Variants in ANKRD28 observed in about 807,000 individuals in gnomAD.
ANKRD28 encodes the protein serine/threonine-protein phosphatase 6 regulatory ankyrin repeat subunit A.
Under a neutral mutation model 126.5 loss-of-function variants are expected in ANKRD28, and 44 were observed. The observed-to-expected ratio is 0.35, with a 90% CI of 0.27 to 0.45. ANKRD28 has a LOEUF of 0.45. Ranked by LOEUF, ANKRD28 falls within the 20% of genes least tolerant of loss-of-function variation. ANKRD28 has a pLI of 1.00. For synonymous variants in ANKRD28, 442 were observed against 468.5 expected (o/e 0.94, Z 0.73); for missense variants, 1,110 against 1,316.6 (o/e 0.84, Z 2.43).
intron 14 of ANKRD28, 104 bp downstream of exon 14, chr3:15,707,819 CA>C: frequency 7.3e-7 from 1 of 1,374,364 alleles, no homozygotes; most frequent in African/African-American, 1.4e-5. Flanking sequence ...AGATAATCAA[CA>C]AAAAATACAA....
intron 14 of ANKRD28, among the ~76,000 whole-genome samples, chr3:15,700,907 A>T (rs1315447197): frequency 2.0e-5 from 3 of 152,212 alleles, no homozygotes; most frequent in Non-Finnish European, 4.4e-5. Flanking sequence ...TATTCATTTG[A>T]TACATGGAGA....
chr3:15,812,503 T>C lies in ANKRD28; in HGVS notation c.28-17197A>G, dbSNP rs1313051841. On this transcript the variant is annotated intron_variant, in intron 1 of 27. Transcript: ENST00000399451. This position sits in a 1 kb window ranked among gnomAD's most constrained non-coding sequence, Gnocchi z 4.1. ...AACACACATTCCAGGAAAGAAAAGG[T>C]AAACTGGCTATATAATACTGAGGGT... Among the ~76,000 whole-genome samples, 1 of 152,198 alleles carries C rather than the reference T, an allele frequency of 6.6e-6. No homozygotes were observed. The highest frequency in any genetic ancestry group is 2.4e-5 in the African/African-American group (1 of 41,464).
Position 15,797,950 on chromosome 3 carries a change from AT to A in ANKRD28, c.-1430del, listed in dbSNP as rs777343947. The A allele has an allele frequency of 1.7e-5, 17 of 985,406 alleles. No individual in the cohort carries two copies. The highest frequency in any genetic ancestry group is 6.1e-5 in the Admixed American group (1 of 16,266). 61.0% of individuals were successfully genotyped at this position (985,406 alleles called of 1,614,324 possible). The stretch of plus-strand genomic sequence containing the variant: ...GACCCACAGGATGAAATGCCTAGTA[AT>A]GCTCACATGTTACACTTACCAGAGA... On this transcript the variant is annotated 5_prime_UTR_variant, in exon 1 of 28. Coordinates refer to ENST00000683139, the MANE Select transcript of ANKRD28 (RefSeq NM_001349278.2).
intron 21 of ANKRD28, chr3:15,683,942 T>C (rs1449991490): frequency 6.6e-6 from 1 of 152,158 alleles, no homozygotes; most frequent in Non-Finnish European, 1.5e-5. Context: ...TTTTAGCAAA[T>C]GGGTATTTAT....
At chr3:15,805,705 T>G (rs964545739) in intron 1 of ANKRD28, among the ~76,000 whole-genome samples, 6 of 152,202 alleles carry the variant, frequency 3.9e-5, no homozygotes, top group Admixed American at 3.9e-4. Context: ...GTTTTTACAA[T>G]GTGGTGATGC....
intron 2 of ANKRD28, among the ~76,000 whole-genome samples, chr3:15,789,645 GCA>G (rs1329419628): frequency 6.6e-6 from 1 of 151,750 alleles, no homozygotes; most frequent in Non-Finnish European, 1.5e-5. Context: ...TATTACACAA[GCA>G]AAAAACCTCT....
chr3:15,758,290 T>A (rs960404772), intron 3 of ANKRD28, among the ~76,000 whole-genome samples: 1 of 152,194 alleles, frequency 6.6e-6, no homozygotes, highest in African/African-American at 2.4e-5. Context: ...AACAGTGCAG[T>A]GGCAAAAGGT....
At position 15,843,710 on chromosome 3, in the gene ANKRD28, C is replaced by T. The variant is rs529561656; in HGVS notation, c.27+15667G>A. On this transcript the variant is annotated intron_variant, in intron 1 of 27. Transcript: ENST00000399451. The surrounding 1 kb of genome is among the most constrained non-coding windows in gnomAD (Gnocchi z 5.2). Reference sequence around the variant, plus strand: ...GAATACAAATAAGAGATAAACAATACATCTAAATTTCAGATAAAGATAGAA... The same window carrying T: ...GAATACAAATAAGAGATAAACAATATATCTAAATTTCAGATAAAGATAGAA... Among the ~76,000 whole-genome samples the T allele has an allele frequency of 6.6e-6, 1 of 151,220 alleles. No homozygotes were observed. The highest frequency in any genetic ancestry group is 2.1e-4 in the South Asian group (1 of 4,772).
intron 4 of ANKRD28, among the ~76,000 whole-genome samples, chr3:15,742,153 C>T (rs1465487031): frequency 3.3e-5 from 5 of 151,894 alleles, no homozygotes; most frequent in Admixed American, 1.3e-4. Flanking sequence ...TCTGCCCGGC[C>T]GCCACCCCGT....
chr3:15,820,705 G>A (rs6806843), intron 1 of ANKRD28, among the ~76,000 whole-genome samples: 35 of 152,140 alleles, frequency 2.3e-4, no homozygotes, highest in African/African-American at 7.2e-4. Flanking sequence ...TTAATTCACA[G>A]GGGTTCATTA....
chr3:15,672,814 C>T (rs2066514518), intron 27 of ANKRD28, among the ~76,000 whole-genome samples: 1 of 152,202 alleles, frequency 6.6e-6, no homozygotes, highest in African/African-American at 2.4e-5. Flanking sequence ...CTGGCTCTGT[C>T]ACCCAGGCTA....
chr3:15,791,291 G>A (rs2060011529), intron 2 of ANKRD28, among the ~76,000 whole-genome samples: 1 of 151,524 alleles, frequency 6.6e-6, no homozygotes, highest in East Asian at 1.9e-4. Context: ...AACCAGAAAA[G>A]ACCCAGAATA....
chr3:15,850,906 G>A (rs1208215391), intron 1 of ANKRD28, among the ~76,000 whole-genome samples: 1 of 152,192 alleles, frequency 6.6e-6, no homozygotes, highest in Non-Finnish European at 1.5e-5. Context: ...GGCATCTGAA[G>A]TGGAGGCAGT....
chr3:15,686,490 A>G, intron 18 of ANKRD28, 181 bp from the exon 19 acceptor site: 1 of 605,002 alleles, frequency 1.7e-6, no homozygotes, highest in Non-Finnish European at 2.9e-6. Context: ...AAGCTGGAAT[A>G]AATGTGAATT....
chr3:15,726,852 A>G (rs1029345096), intron 6 of ANKRD28, among the ~76,000 whole-genome samples: 2 of 152,246 alleles, frequency 1.3e-5, no homozygotes, highest in African/African-American at 4.8e-5. Context: ...AATGACTTTA[A>G]GTCAATGCTC....
At position 15,708,564 on chromosome 3, in the gene ANKRD28, CCTCT is replaced by C. The variant is rs576296879; in HGVS notation, c.1407-504_1407-501del. Among the ~76,000 whole-genome samples, 48 of 151,840 alleles carry C rather than the reference CCTCT, an allele frequency of 3.2e-4. 1 individual carries two copies. In the South Asian group the frequency reaches 1.0e-2, roughly 32 times the overall value. On this transcript the variant is annotated intron_variant, in intron 13 of 27. Coordinates refer to ENST00000683139, the MANE Select transcript of ANKRD28 (RefSeq NM_001349278.2). ...TCAACTCAAAGCATTTTTCAGAAGC[CCTCT>C]CTGTTATTTGTAGTATAGAATGCCT...
chr3:15,808,855 CA>C (rs1253736329), intron 1 of ANKRD28, among the ~76,000 whole-genome samples: 1 of 152,172 alleles, frequency 6.6e-6, no homozygotes, highest in Non-Finnish European at 1.5e-5. Context: ...TAATTTATTA[CA>C]AAATCATCAT....
At chr3:15,707,506 A>T (rs1366943214) in intron 14 of ANKRD28, among the ~76,000 whole-genome samples, 3 of 152,208 alleles carry the variant, frequency 2.0e-5, no homozygotes, top group African/African-American at 7.2e-5. Flanking sequence ...TGCAAATCTG[A>T]ACTGTCTACC....
chr3:15,826,475 T>C (rs929023439), intron 1 of ANKRD28, among the ~76,000 whole-genome samples: 28 of 152,188 alleles, frequency 1.8e-4, no homozygotes, highest in South Asian at 4.1e-4. Flanking sequence ...TTTATGGATA[T>C]GTAAACACAG....
Sources: allele counts gnomAD v4.1 joint callset (sites outside exome capture counted in the v4.1 genomes callset), GRCh38; gene constraint gnomAD v4.1.1; non-coding constraint Gnocchi (gnomAD v3.1); transcripts MANE v1.5; gene names NCBI Gene and HGNC (gene_info 2026-07-23, HGNC 2026-07-21).